Variants in SCN8A observed in about 807,000 individuals in gnomAD.
SCN8A encodes the protein sodium voltage-gated channel alpha subunit 8.
A neutral mutation model predicts 184.1 loss-of-function variants in SCN8A; 30 were observed. The observed-to-expected ratio is 0.16, with a 90% confidence interval of 0.12 to 0.22. SCN8A has a LOEUF of 0.22. Ranked by LOEUF, SCN8A falls within the 10% of genes least tolerant of loss-of-function variation. The pLI is 1.00. For missense variants in SCN8A, 1,057 were observed against 2,498.9 expected, an observed-to-expected ratio of 0.42 and a Z score of 12.30; for synonymous variants, 852 against 907.0, an observed-to-expected ratio of 0.94 and a Z score of 1.09.
chr12:51,764,776 C>CTTTTTTTTTTTTTTTTTTTTTTTTT (rs1197098413), intron 15 of SCN8A, among the ~76,000 whole-genome samples: 1 of 143,102 alleles, frequency 7.0e-6, no homozygotes, highest in African/African-American at 2.5e-5. Context: ...AGGCTCTTTT[C>CTTTTTTTTTTTTTTTTTTTTTTTTT]TTTTTTTTTT....
chr12:51,713,602 TC>T (rs745375222), intron 11 of SCN8A: 4 of 654,748 alleles, frequency 6.1e-6, no homozygotes, highest in Non-Finnish European at 1.1e-5. Context: ...TGGTTTTACC[TC>T]CATTTTGAGC....
intron 1 of SCN8A, among the ~76,000 whole-genome samples, chr12:51,654,183 C>G (rs1001339411): frequency 2.4e-4 from 36 of 152,118 alleles, no homozygotes; most frequent in African/African-American, 8.0e-4. Flanking sequence ...GCAACAAAAG[C>G]TTTTCATTTT....
intron 2 of SCN8A, among the ~76,000 whole-genome samples, chr12:51,682,195 G>A (rs924165757): frequency 2.0e-5 from 3 of 152,120 alleles, no homozygotes; most frequent in Non-Finnish European, 2.9e-5. Flanking sequence ...TGGTCATGGT[G>A]TGCAACCCTT....
chr12:51,666,280 G>A (rs1941031274), intron 2 of SCN8A, among the ~76,000 whole-genome samples: 1 of 152,200 alleles, frequency 6.6e-6, no homozygotes, highest in Non-Finnish European at 1.5e-5. Flanking sequence ...GGTTCAGGGA[G>A]TGTCTTCCAC....
intron 13 of SCN8A, among the ~76,000 whole-genome samples, chr12:51,749,032 C>T (rs986290645): frequency 1.3e-5 from 2 of 152,184 alleles, no homozygotes; most frequent in African/African-American, 4.8e-5. Context: ...CCCCACAAAC[C>T]TTTGGACATC....
chr12:51,753,324 C>T (rs1473699352), intron 14 of SCN8A, among the ~76,000 whole-genome samples: 2 of 152,044 alleles, frequency 1.3e-5, no homozygotes, highest in Non-Finnish European at 2.9e-5. Flanking sequence ...ATACTTTGTA[C>T]TAGATGTGAG....
intron 12 of SCN8A, among the ~76,000 whole-genome samples, chr12:51,738,665 C>T (rs1942367441): frequency 6.6e-6 from 1 of 152,240 alleles, no homozygotes; most frequent in African/African-American, 2.4e-5. Flanking sequence ...TCTCCTGGCT[C>T]TGCTTTCCAG....
chr12:51,793,725 C>T (rs868671693), intron 25 of SCN8A, among the ~76,000 whole-genome samples: 25 of 152,194 alleles, frequency 1.6e-4, no homozygotes, highest in African/African-American at 5.3e-4. Context: ...GTAGGCCCAG[C>T]TTATTGGGAG....
At chr12:51,778,354 C>G (rs563001206) in intron 20 of SCN8A, among the ~76,000 whole-genome samples, 1 of 152,008 alleles carries the variant, frequency 6.6e-6, no homozygotes, top group Non-Finnish European at 1.5e-5. Context: ...GCACCATCTC[C>G]GCTCACTGCA....
chr12:51,805,888 G>A (rs1938686915), intron 26 of SCN8A, among the ~76,000 whole-genome samples: 1 of 151,876 alleles, frequency 6.6e-6, no homozygotes, highest in African/African-American at 2.4e-5. Flanking sequence ...GAGTGCAGTG[G>A]CACGATCTCG....
At chr12:51,615,173 T>C (rs1020227322) in intron 1 of SCN8A, among the ~76,000 whole-genome samples, 1 of 152,182 alleles carries the variant, frequency 6.6e-6, no homozygotes, top group Admixed American at 6.5e-5. Flanking sequence ...ATATAGTTAT[T>C]TTAGTGTAGC....
chr12:51,648,294 C>T (rs1050593663), intron 1 of SCN8A, among the ~76,000 whole-genome samples: 1 of 152,224 alleles, frequency 6.6e-6, no homozygotes, highest in African/African-American at 2.4e-5. Flanking sequence ...TCTCAAACTC[C>T]TGGCCTCAAG....
chr12:51,627,933 T>C (rs1036991700), intron 1 of SCN8A, among the ~76,000 whole-genome samples: 2 of 152,214 alleles, frequency 1.3e-5, no homozygotes, highest in African/African-American at 4.8e-5. Context: ...TGTTGATTCA[T>C]TGATACTTGT....
At chr12:51,638,634 G>C (rs531164458) in intron 1 of SCN8A, among the ~76,000 whole-genome samples, 1 of 151,844 alleles carries the variant, frequency 6.6e-6, no homozygotes, top group Admixed American at 6.6e-5. Flanking sequence ...CTACAGGCGC[G>C]TGCCACCACA....
intron 12 of SCN8A, among the ~76,000 whole-genome samples, chr12:51,731,247 T>TTC (rs567749046): frequency 2.0e-5 from 3 of 146,494 alleles, no homozygotes; most frequent in African/African-American, 7.5e-5. Context: ...TTTCTTCTTC[T>TTC]TTTTTTTTTT....
At chr12:51,683,475 AT>A (rs1390362138) in intron 2 of SCN8A, among the ~76,000 whole-genome samples, 1 of 152,210 alleles carries the variant, frequency 6.6e-6, no homozygotes, top group African/African-American at 2.4e-5. Context: ...CAGATTGAAT[AT>A]TGGTAAGTAA....
chr12:51,752,141 TA>T (rs1158092439), intron 14 of SCN8A, among the ~76,000 whole-genome samples: 4 of 151,970 alleles, frequency 2.6e-5, no homozygotes, highest in Non-Finnish European at 2.9e-5. Flanking sequence ...TATGTAGTTT[TA>T]AAAAAAATAG....
At chr12:51,684,859 A>G (rs1185817891) in intron 3 of SCN8A, among the ~76,000 whole-genome samples, 1 of 152,216 alleles carries the variant, frequency 6.6e-6, no homozygotes, top group Non-Finnish European at 1.5e-5. Flanking sequence ...GAAAAATGCC[A>G]ATTTATTCAA....
intron 2 of SCN8A, among the ~76,000 whole-genome samples, chr12:51,676,422 G>C (rs1017799866): frequency 6.6e-6 from 1 of 152,162 alleles, no homozygotes; most frequent in Non-Finnish European, 1.5e-5. Context: ...TATAGAATCT[G>C]TTTAGATTCT....
Sources: gnomAD v4.1 joint callset for allele counts (sites outside exome capture counted in the v4.1 genomes callset) on GRCh38, gnomAD v4.1.1 for gene constraint, MANE v1.5 for transcripts, NCBI Gene and HGNC (gene_info 2026-07-23, HGNC 2026-07-21) for gene names.